The following EFCAB8 variants were observed in gnomAD, a reference collection of about 807,000 sequenced individuals.
EFCAB8 encodes the protein EF-hand calcium-binding domain-containing protein 8.
Under a neutral mutation model 116.3 loss-of-function variants are expected in EFCAB8, and 100 were observed. The observed-to-expected ratio is 0.86, with a 90% CI of 0.73 to 1.02. The LOEUF (loss-of-function observed/expected upper bound fraction) is 1.02, where lower values mean the gene tolerates loss of function less well. Ranked by LOEUF, EFCAB8 falls within the 50% of genes least tolerant of loss-of-function variation. The probability of loss-of-function intolerance (pLI) is 0.00; values close to 1 mark genes in which losing one functional copy is unlikely to be tolerated. For missense variants in EFCAB8, 1,320 were observed against 1,416.9 expected, an observed-to-expected ratio of 0.93 and a Z score of 1.10; for synonymous variants, 558 against 567.9, an observed-to-expected ratio of 0.98 and a Z score of 0.25.
chr20:32,931,470 T>C (rs914035838), intron 22 of EFCAB8, 134 bp downstream of exon 22: 1 of 1,224,696 alleles, frequency 8.2e-7, no homozygotes, highest in African/African-American at 1.5e-5. Context: ...ATAGAATTAG[T>C]ATTCGTGGCC....
At chr20:32,947,896 T>A (rs1458756144) in intron 23 of EFCAB8, among the ~76,000 whole-genome samples, 1 of 126,988 alleles carries the variant, frequency 7.9e-6, no homozygotes, top group Non-Finnish European at 1.6e-5. Context: ...CAAGACCCCA[T>A]CTCAATTAAA....
At chr20:32,881,632 C>CTT (rs1482409174) in intron 5 of EFCAB8, among the ~76,000 whole-genome samples, 1 of 152,184 alleles carries the variant, frequency 6.6e-6, no homozygotes, top group Non-Finnish European at 1.5e-5. Flanking sequence ...TTTACCCAAA[C>CTT]TTTTCCTCCT....
intron 22 of EFCAB8, among the ~76,000 whole-genome samples, chr20:32,936,796 T>A (rs192073992): frequency 6.6e-6 from 1 of 152,282 alleles, no homozygotes; most frequent in Admixed American, 6.5e-5. Flanking sequence ...CTAGCCAGGG[T>A]CTTTTATGAT....
intron 11 of EFCAB8, among the ~76,000 whole-genome samples, chr20:32,903,868 G>A (rs1354171966): frequency 6.6e-6 from 1 of 152,150 alleles, no homozygotes; most frequent in Non-Finnish European, 1.5e-5. Context: ...GATAATGGGA[G>A]CCACAGTGTT....
chr20:32,884,334 A>G (rs1322822759), intron 5 of EFCAB8, among the ~76,000 whole-genome samples: 1 of 152,174 alleles, frequency 6.6e-6, no homozygotes, highest in Admixed American at 6.5e-5. Flanking sequence ...CAGGTGAGGA[A>G]ACCAAGTCCT....
At chr20:32,929,466 C>T (rs1568935950) in intron 20 of EFCAB8, among the ~76,000 whole-genome samples, 1 of 146,094 alleles carries the variant, frequency 6.8e-6, no homozygotes, top group Admixed American at 6.8e-5. Context: ...CCTTCCCTCC[C>T]CTCCCCTCCC....
intron 11 of EFCAB8, among the ~76,000 whole-genome samples, chr20:32,902,432 C>T (rs1986470660): frequency 1.3e-5 from 2 of 152,028 alleles, no homozygotes; most frequent in Non-Finnish European, 2.9e-5. Flanking sequence ...AGAGCAAGAC[C>T]CTGTCTTCAA....
rs1568954397 is a variant in EFCAB8 at position 32,961,472 on chromosome 20, C to T, written c.3730C>T (p.Pro1244Ser). Residue 1244 changes from proline (P) to serine (S), a missense_variant, in exon 27 of 27, where the codon CCA (proline) becomes TCA (serine). Pro to Ser is a moderately conservative substitution (Grantham distance 74). Transcript: ENST00000400522. ...ASTAHSTPSVPSPVSKSTLQG... is the reference protein window; with the variant it reads ...ASTAHSTPSVSSPVSKSTLQG... ...CACAGCCCATTCCACCCCCTCGGTCCCATCCCCGGTGTCCAAGTCCACCCT... is the reference window on the plus strand; with the variant it reads ...CACAGCCCATTCCACCCCCTCGGTCTCATCCCCGGTGTCCAAGTCCACCCT... 2 of 1,450,042 alleles carry T rather than the reference C, an allele frequency of 1.4e-6. No homozygotes were observed. The highest frequency in any genetic ancestry group is 1.8e-6 in the Non-Finnish European group (2 of 1,097,948). The allele number at this position is 1,450,042 out of a possible 1,614,324, so 89.8% of individuals were successfully genotyped here. A position where few individuals can be genotyped will look rare whatever the true frequency, so the allele number is the denominator to read the frequency against.
chr20:32,882,413 C>A (rs768346637), intron 5 of EFCAB8, among the ~76,000 whole-genome samples: 25 of 152,200 alleles, frequency 1.6e-4, no homozygotes, highest in Non-Finnish European at 2.8e-4. Flanking sequence ...CACACAGTTC[C>A]GGAATCAGTC....
rs1988482179 is a variant in EFCAB8 at position 32,943,725 on chromosome 20, T to C, written c.2880T>C (p.Tyr960=). 1.2e-5 allele frequency: 5 copies of C among 416,828 alleles called. No individual in the cohort carries two copies. Among genetic ancestry groups the C allele is most frequent in the African/African-American group, 2.1e-5 (1 of 48,708 alleles). The allele number at this position is 416,828 out of a possible 1,614,324, so 25.8% of individuals were successfully genotyped here. The change falls in exon 23 of 27, where the codon TAT becomes TAC. Residue 960 remains tyrosine, a synonymous_variant. Coordinates refer to ENST00000400522, the MANE Select transcript of EFCAB8 (RefSeq NM_001143967.2). ...GHLNSVADIL[Y]VDNFQLVISA... is the part of the protein sequence containing the mutation. ...TGAATAGTGTGGCAGACATCCTGTATGTGGACAACTTCCAGCTGGTTATCA... is the reference window on the plus strand; with the variant it reads ...TGAATAGTGTGGCAGACATCCTGTACGTGGACAACTTCCAGCTGGTTATCA...
At chr20:32,942,458 G>T (rs1028986501) in intron 22 of EFCAB8, among the ~76,000 whole-genome samples, 5 of 151,872 alleles carry the variant, frequency 3.3e-5, no homozygotes, top group African/African-American at 1.2e-4. Context: ...AGGCCAAGGT[G>T]GGCAGATTGC....
chr20:32,929,482 C>T (rs972918130), intron 20 of EFCAB8, among the ~76,000 whole-genome samples: 1 of 147,390 alleles, frequency 6.8e-6, no homozygotes, highest in Admixed American at 6.8e-5. Context: ...CTCCCCTCCC[C>T]TCCGCTTCTC....
In EFCAB8 at chr20:32,959,983, G is replaced by T; in HGVS notation, c.3294+1G>T. 1 of 1,551,672 alleles carries T rather than the reference G, an allele frequency of 6.4e-7. No individual in the cohort carries two copies. Among genetic ancestry groups the T allele is most frequent in the South Asian group, 1.2e-5 (1 of 84,048 alleles). ...CAAGTGGGAGTCCAGGGACAAGCAG[G>T]TGAGGCTGGGAGGGGAGCACAGGGA... On this transcript the variant is annotated splice_donor_variant, in intron 25 of 26. Transcript: ENST00000400522. LOFTEE classifies it high-confidence loss of function.
chr20:32,948,576 G>GAAAGAAAGA (rs1555871365), intron 23 of EFCAB8, among the ~76,000 whole-genome samples: 1 of 138,478 alleles, frequency 7.2e-6, no homozygotes, highest in Non-Finnish European at 1.6e-5. Context: ...AAGAAAGAAA[G>GAAAGAAAGA]AAAGAAAAGA....
intron 19 of EFCAB8, among the ~76,000 whole-genome samples, chr20:32,919,137 G>A (rs1488799941): frequency 1.3e-5 from 2 of 152,198 alleles, no homozygotes; most frequent in Non-Finnish European, 2.9e-5. Flanking sequence ...TACTTGCAGG[G>A]GATGGCTTGC....
intron 3 of EFCAB8, among the ~76,000 whole-genome samples, chr20:32,871,529 C>G (rs1410225200): frequency 2.6e-5 from 4 of 152,100 alleles, no homozygotes; most frequent in Non-Finnish European, 4.4e-5. Context: ...AAGTTTACCT[C>G]TTGCTTTTTA....
At chr20:32,950,009 CA>C (rs200797051) in intron 23 of EFCAB8, among the ~76,000 whole-genome samples, 105 of 122,458 alleles carry the variant, frequency 8.6e-4, no homozygotes, top group African/African-American at 3.5e-3. Flanking sequence ...CAAAAACAAA[CA>C]AAACAACAAA....
chr20:32,931,413 A>C, intron 22 of EFCAB8, 77 bp downstream of exon 22: 5 of 1,418,950 alleles, frequency 3.5e-6, no homozygotes, highest in Non-Finnish European at 4.6e-6. Flanking sequence ...AAACTAACTC[A>C]TACCCAAGAG....
chr20:32,898,463 A>C (rs1198090076), intron 10 of EFCAB8, 30 bp from the exon 11 acceptor site: 1 of 708,532 alleles, frequency 1.4e-6, no homozygotes, highest in Admixed American at 2.0e-5. Context: ...CCTTGGGTGG[A>C]GTCTCCCACC....
Sources: gnomAD v4.1 joint callset for allele counts (sites outside exome capture counted in the v4.1 genomes callset) on GRCh38, gnomAD v4.1.1 for gene constraint, MANE v1.5 for transcripts, NCBI Gene and HGNC (gene_info 2026-07-23, HGNC 2026-07-21) for gene names.